Variants in NLGN1 observed in about 807,000 individuals in gnomAD.
The protein encoded by NLGN1 is neuroligin 1, also known as neuroligin-1.
In NLGN1, 12 loss-of-function variants were observed where a neutral mutation model predicts 65.5. The observed-to-expected ratio is 0.18, with a 90% confidence interval of 0.12 to 0.30. The LOEUF is 0.30. Ranked by LOEUF, NLGN1 falls within the 10% of genes least tolerant of loss-of-function variation. The pLI is 1.00. For synonymous variants in NLGN1, 350 were observed against 359.5 expected, an observed-to-expected ratio of 0.97 and a Z score of 0.30; for missense variants, 750 against 1,007.1, an observed-to-expected ratio of 0.74 and a Z score of 3.46.
At chr3:174,263,659 A>C (rs985161944) in intron 4 of NLGN1, among the ~76,000 whole-genome samples, 1 of 151,936 alleles carries the variant, frequency 6.6e-6, no homozygotes, top group African/African-American at 2.4e-5. Context: ...TGTGTCTTTT[A>C]ATTGGAGCAT....
chr3:173,786,870 A>G (rs1782052336), intron 3 of NLGN1, among the ~76,000 whole-genome samples: 1 of 152,264 alleles, frequency 6.6e-6, no homozygotes, highest in Middle Eastern at 3.4e-3. Flanking sequence ...TGAGATCTGG[A>G]GTTAGAGACC....
At chr3:173,457,478 A>G (rs1722695660) in intron 2 of NLGN1, among the ~76,000 whole-genome samples, 1 of 152,130 alleles carries the variant, frequency 6.6e-6, no homozygotes, top group African/African-American at 2.4e-5. Context: ...AAACAAGTCC[A>G]GATCATTTAG....
chr3:173,660,272 A>G (rs1023679081), intron 3 of NLGN1, among the ~76,000 whole-genome samples: 2 of 151,918 alleles, frequency 1.3e-5, no homozygotes, highest in Middle Eastern at 3.2e-3. Context: ...TCCAAGGAAC[A>G]CTTGTTTCAG....
chr3:173,870,943 G>A (rs2150867043), intron 4 of NLGN1, among the ~76,000 whole-genome samples: 1 of 152,292 alleles, frequency 6.6e-6, no homozygotes, highest in South Asian at 2.1e-4. Context: ...TTGTTCTAAT[G>A]AGGCAGCTCT....
chr3:173,851,641 C>T (rs1726935611), intron 4 of NLGN1, among the ~76,000 whole-genome samples: 1 of 152,096 alleles, frequency 6.6e-6, no homozygotes, highest in Non-Finnish European at 1.5e-5. Flanking sequence ...ACCCCGGTTT[C>T]TTTTGATAAT....
intron 3 of NLGN1, among the ~76,000 whole-genome samples, chr3:173,798,689 C>G: frequency 6.6e-6 from 1 of 152,106 alleles, no homozygotes; most frequent in East Asian, 1.9e-4. Flanking sequence ...TTATAAAAGT[C>G]TATCACTTAA....
At chr3:173,461,493 A>G (rs1030981207) in intron 2 of NLGN1, among the ~76,000 whole-genome samples, 1 of 152,106 alleles carries the variant, frequency 6.6e-6, no homozygotes, top group Non-Finnish European at 1.5e-5. Context: ...TATAAAGACT[A>G]TTAACTTACT....
At chr3:173,918,662 GT>G in intron 4 of NLGN1, among the ~76,000 whole-genome samples, 1 of 31,324 alleles carries the variant, frequency 3.2e-5, no homozygotes, top group Admixed American at 5.4e-4. Context: ...AAATACATAT[GT>G]GTGTGTGTGT....
chr3:173,881,419 C>CTT (rs71162368), intron 4 of NLGN1, among the ~76,000 whole-genome samples: 203 of 80,550 alleles, frequency 2.5e-3, no homozygotes, highest in Non-Finnish European at 3.2e-3. Context: ...TGCTCCACTC[C>CTT]TTTTTTTTTT....
chr3:173,674,205 C>A (rs1762823622), intron 3 of NLGN1, among the ~76,000 whole-genome samples: 1 of 152,020 alleles, frequency 6.6e-6, no homozygotes, highest in African/African-American at 2.4e-5. Flanking sequence ...GAAAAATACA[C>A]AAAATTGTAG....
chr3:174,290,027 G>A (rs1308551013), downstream of NLGN1, among the ~76,000 whole-genome samples: 2 of 147,074 alleles, frequency 1.4e-5, no homozygotes, highest in African/African-American at 4.9e-5. Context: ...AATGTTCCAT[G>A]TGAGGATACT....
At chr3:173,679,799 G>T (rs1763703628) in intron 3 of NLGN1, among the ~76,000 whole-genome samples, 1 of 152,052 alleles carries the variant, frequency 6.6e-6, no homozygotes, top group Non-Finnish European at 1.5e-5. Flanking sequence ...TTTGGTAATT[G>T]TTAACCATGA....
chr3:174,138,847 CTT>C (rs1000699358), intron 4 of NLGN1, among the ~76,000 whole-genome samples: 112 of 151,748 alleles, frequency 7.4e-4, no homozygotes, highest in African/African-American at 2.2e-3. Context: ...ATTTTTGGCT[CTT>C]TGCAAAATGG....
At chr3:174,002,056 A>T (rs960327666) in intron 4 of NLGN1, among the ~76,000 whole-genome samples, 5 of 117,956 alleles carry the variant, frequency 4.2e-5, no homozygotes, top group Non-Finnish European at 7.4e-5. Flanking sequence ...GACAGATTTA[A>T]AAAAAAAAAA....
chr3:173,730,664 T>C (rs1772674779), intron 3 of NLGN1, among the ~76,000 whole-genome samples: 1 of 152,068 alleles, frequency 6.6e-6, no homozygotes, highest in South Asian at 2.1e-4. Context: ...CCATATGAAA[T>C]GAGAGTATTA....
At chr3:173,619,862 A>G (rs1753705690) in intron 3 of NLGN1, among the ~76,000 whole-genome samples, 1 of 152,196 alleles carries the variant, frequency 6.6e-6, no homozygotes, top group Non-Finnish European at 1.5e-5. Flanking sequence ...GAGAGAAAAC[A>G]CTTCATCATG....
chr3:173,594,690 A>G (rs1442653367), intron 2 of NLGN1, among the ~76,000 whole-genome samples: 1 of 152,184 alleles, frequency 6.6e-6, no homozygotes, highest in Non-Finnish European at 1.5e-5. Context: ...ACACTGCCTT[A>G]GCAGAGGTTC....
rs565412601 is a variant in NLGN1 at position 173,443,477 on chromosome 3, A to G, written c.-321+8399A>G. ...CTGTTGCTTTGATAATTTGAAAATT[A>G]TTTTCTATTTTTGAAAGCATTTAAT... On this transcript the variant is annotated intron_variant, in intron 2 of 6. Coordinates refer to ENST00000457714, the Ensembl canonical transcript of NLGN1. Among the ~76,000 whole-genome samples, 881 of 151,818 alleles carry G rather than the reference A, an allele frequency of 5.8e-3. 13 individuals carry two copies. Among genetic ancestry groups the G allele is most frequent in the African/African-American group, 0.021 (855 of 41,480 alleles).
In NLGN1 at chr3:174,200,516, T is replaced by C. The variant is rs146488944; in HGVS notation, c.647-74799T>C. Among the ~76,000 whole-genome samples, 41 of 152,336 alleles carry C rather than the reference T, an allele frequency of 2.7e-4. No individual in the cohort carries two copies. In the East Asian group the frequency reaches 6.2e-3, roughly 23 times the overall value. On this transcript the variant is annotated intron_variant, in intron 4 of 6. Transcript: ENST00000457714. The stretch of plus-strand genomic sequence containing the variant: ...AGGTAAAAGATTCATCAGACACAGA[T>C]TGTTCACTGGAGGGCCCTACAGTAT...
Sources: gnomAD v4.1 joint callset for allele counts (sites outside exome capture counted in the v4.1 genomes callset) on GRCh38, gnomAD v4.1.1 for gene constraint, MANE v1.5 for transcripts, NCBI Gene and HGNC (gene_info 2026-07-23, HGNC 2026-07-21) for gene names.